The following PRKCE variants were observed in gnomAD, a reference collection of about 807,000 sequenced individuals.
PRKCE encodes the protein protein kinase C epsilon type.
In PRKCE, 16 loss-of-function variants were observed where a neutral mutation model predicts 85.4. The observed-to-expected ratio is 0.19, with a 90% CI of 0.13 to 0.28. PRKCE has a LOEUF of 0.28. Among genes scored for constraint, PRKCE ranks in the 10% least tolerant of loss-of-function variants. The pLI, the probability that PRKCE is intolerant of heterozygous loss-of-function variation, is 1.00. For synonymous variants in PRKCE, 388 were observed against 371.5 expected, an observed-to-expected ratio of 1.04 and a Z score of -0.51; for missense variants, 573 against 975.2, an observed-to-expected ratio of 0.59 and a Z score of 5.49.
intron 14 of PRKCE, among the ~76,000 whole-genome samples, chr2:46,174,119 C>G (rs1174914228): frequency 1.3e-5 from 2 of 152,310 alleles, no homozygotes; most frequent in East Asian, 3.9e-4. Flanking sequence ...GCAACTTTCC[C>G]TCAGAAGTGT....
At position 46,046,125 on chromosome 2, in the gene PRKCE, C is replaced by A. The variant is rs556906216; in HGVS notation, c.1437+35608C>A. On this transcript the variant is annotated intron_variant, in intron 10 of 14. Transcript: ENST00000306156. The stretch of plus-strand genomic sequence containing the variant: ...TCTTCCAGAGAGGCCAGTGCCCCTG[C>A]TTACCCAGTGGGATGGCTGGGATTC... 1.0e-3 allele frequency among the ~76,000 whole-genome samples: 153 copies of A among 152,330 alleles called. 3 individuals carry two copies. The highest frequency in any genetic ancestry group is 3.6e-3 in the African/African-American group (149 of 41,580).
intron 2 of PRKCE, among the ~76,000 whole-genome samples, chr2:45,851,066 G>C (rs1191006965): frequency 6.6e-6 from 1 of 152,188 alleles, no homozygotes; most frequent in Non-Finnish European, 1.5e-5. Context: ...CCTCCCTTCT[G>C]TTTGCAGGCT....
intron 10 of PRKCE, among the ~76,000 whole-genome samples, chr2:46,083,549 T>C (rs1344083065): frequency 6.6e-6 from 1 of 152,130 alleles, no homozygotes. Flanking sequence ...GGCACTTCAG[T>C]GGCTGTTTCA....
At chr2:46,028,221 C>T (rs1707266666) in intron 10 of PRKCE, among the ~76,000 whole-genome samples, 1 of 152,268 alleles carries the variant, frequency 6.6e-6, no homozygotes, top group Admixed American at 6.5e-5. Flanking sequence ...GAATTACAGG[C>T]GTGAGCCACC....
intron 14 of PRKCE, among the ~76,000 whole-genome samples, chr2:46,180,657 G>A (rs1463078220): frequency 6.6e-6 from 1 of 152,228 alleles, no homozygotes; most frequent in Non-Finnish European, 1.5e-5. Context: ...AAGATTTGAA[G>A]GCATGATGGG....
In PRKCE at chr2:45,663,613, C is replaced by A. The variant is rs151121417; in HGVS notation, c.348+11165C>A. Among the ~76,000 whole-genome samples the A allele has an allele frequency of 9.4e-3, 1,431 of 152,238 alleles. 18 individuals carry two copies. Among genetic ancestry groups the A allele is most frequent in the African/African-American group, 0.033 (1,357 of 41,520 alleles). ...CCTGGCTAACACAGTGAAACCCCAT[C>A]TCTACTAAAAATACAAAAAATTAGC... On this transcript the variant is annotated intron_variant, in intron 1 of 14. Transcript: ENST00000306156.
intron 11 of PRKCE, among the ~76,000 whole-genome samples, chr2:46,131,574 A>G (rs1674452568): frequency 6.6e-6 from 1 of 152,220 alleles, no homozygotes; most frequent in South Asian, 2.1e-4. Context: ...GCCCAGGAAC[A>G]CTGAGCTGAT....
At chr2:45,832,524 G>A (rs1690515729) in intron 1 of PRKCE, among the ~76,000 whole-genome samples, 1 of 152,120 alleles carries the variant, frequency 6.6e-6, no homozygotes, top group South Asian at 2.1e-4. Flanking sequence ...TATTGGCCAA[G>A]CTGGTCTTGA....
chr2:45,770,233 G>A (rs1685208570), intron 1 of PRKCE, among the ~76,000 whole-genome samples: 1 of 152,126 alleles, frequency 6.6e-6, no homozygotes, highest in Admixed American at 6.5e-5. Context: ...TCTGCCCTAG[G>A]GTCAAATGCA....
At chr2:46,109,065 T>C (rs757678731) in intron 11 of PRKCE, among the ~76,000 whole-genome samples, 1 of 152,214 alleles carries the variant, frequency 6.6e-6, no homozygotes, top group Non-Finnish European at 1.5e-5. Flanking sequence ...GTGTCTATTA[T>C]TTCCCCAATA....
chr2:45,726,569 C>T (rs1402527617), intron 1 of PRKCE, among the ~76,000 whole-genome samples: 1 of 152,170 alleles, frequency 6.6e-6, no homozygotes, highest in Non-Finnish European at 1.5e-5. Context: ...ACATCGTACA[C>T]ACAATAGACT....
At chr2:46,022,739 G>C (rs889939634) in intron 10 of PRKCE, among the ~76,000 whole-genome samples, 1 of 152,218 alleles carries the variant, frequency 6.6e-6, no homozygotes, top group Non-Finnish European at 1.5e-5. Context: ...ATAGTTTCTA[G>C]CACACAGAAG....
intron 1 of PRKCE, chr2:45,840,305 G>A (rs1479795282): frequency 6.6e-6 from 1 of 152,182 alleles, no homozygotes; most frequent in African/African-American, 2.4e-5. Flanking sequence ...TTTGACTTTT[G>A]TCAGGGAGAA....
At chr2:45,762,019 A>G (rs1035634359) in intron 1 of PRKCE, among the ~76,000 whole-genome samples, 2 of 152,072 alleles carry the variant, frequency 1.3e-5, no homozygotes, top group African/African-American at 2.4e-5. Context: ...CTGGGTTTCC[A>G]TCCCACCCTC....
At position 46,086,058 on chromosome 2, in the gene PRKCE, T is replaced by C. The variant is rs1016528167; in HGVS notation, c.1438-150T>C. 9.1e-6 allele frequency: 7 copies of C among 768,212 alleles called. No individual in the cohort carries two copies. In the African/African-American group the frequency reaches 1.2e-4, roughly 13 times the overall value. 47.6% of individuals were successfully genotyped at this position (768,212 alleles called of 1,614,324 possible). Reference sequence around the variant, plus strand: ...CTGTGTGCTTTATTCGTTTGTCTTCTTTATGGATCAGGTGCTACCAGGATT... The same window carrying C: ...CTGTGTGCTTTATTCGTTTGTCTTCCTTATGGATCAGGTGCTACCAGGATT... On this transcript the variant is annotated intron_variant, in intron 10 of 14. Coordinates refer to ENST00000306156, the MANE Select transcript of PRKCE (RefSeq NM_005400.3).
chr2:45,803,543 T>G (rs1269809600), intron 1 of PRKCE, among the ~76,000 whole-genome samples: 2 of 152,192 alleles, frequency 1.3e-5, no homozygotes, highest in Non-Finnish European at 2.9e-5. Context: ...CCCTCTGCCC[T>G]GCTTGTCACA....
intron 12 of PRKCE, among the ~76,000 whole-genome samples, chr2:46,148,245 G>A (rs981005089): frequency 3.3e-5 from 5 of 152,150 alleles, no homozygotes; most frequent in East Asian, 1.9e-4. Context: ...GAGCTCTGAC[G>A]CACTTGAGGG....
intron 1 of PRKCE, among the ~76,000 whole-genome samples, chr2:45,790,260 A>G (rs920193546): frequency 4.2e-4 from 64 of 152,346 alleles, no homozygotes; most frequent in African/African-American, 1.5e-3. Flanking sequence ...AATGCCACCA[A>G]ATCCTCCAGT....
chr2:46,132,748 A>G lies in PRKCE; in HGVS notation c.1593-12345A>G, dbSNP rs574059409. On this transcript the variant is annotated intron_variant, in intron 11 of 14. Coordinates refer to ENST00000306156, the MANE Select transcript of PRKCE (RefSeq NM_005400.3). ...TTTCTTAGCCGTTGGAAAGCACCGC[A>G]TGGTCTTAAAGCAAATACCTTCCAT... is the stretch of plus-strand genomic sequence containing the variant. 4.8e-4 allele frequency among the ~76,000 whole-genome samples: 73 copies of G among 152,372 alleles called. 1 individual carries two copies. In the Middle Eastern group the frequency reaches 0.014, roughly 28 times the overall value.
Sources: allele counts gnomAD v4.1 joint callset (sites outside exome capture counted in the v4.1 genomes callset), GRCh38; gene constraint gnomAD v4.1.1; transcripts MANE v1.5; gene names NCBI Gene and HGNC (gene_info 2026-07-23, HGNC 2026-07-21).